TENM2: variants seen among roughly 807,000 people sequenced by gnomAD.
TENM2 encodes the protein teneurin-2.
In TENM2, 52 loss-of-function variants were observed where a neutral mutation model predicts 245.2. The ratio of observed to expected loss-of-function variants is 0.21; its 90% CI spans 0.17 to 0.27. The LOEUF (loss-of-function observed/expected upper bound fraction) is 0.27. TENM2 is among the 10% of genes least tolerant of loss of function. The probability of loss-of-function intolerance (pLI) is 1.00; values close to 1 mark genes in which losing one functional copy is unlikely to be tolerated. For synonymous variants in TENM2, 1,363 were observed against 1,438.9 expected, an observed-to-expected ratio of 0.95 and a Z score of 1.19; for missense variants, 3,046 against 3,666.8, an observed-to-expected ratio of 0.83 and a Z score of 4.37.
intron 2 of TENM2, among the ~76,000 whole-genome samples, chr5:167,637,504 T>C (rs1431916856): frequency 6.6e-6 from 1 of 152,210 alleles, no homozygotes; most frequent in African/African-American, 2.4e-5. Flanking sequence ...TATTCTGCTA[T>C]AAAGACACAT....
chr5:167,435,299 C>G (rs1226140502), intron 2 of TENM2, among the ~76,000 whole-genome samples: 3 of 152,146 alleles, frequency 2.0e-5, no homozygotes, highest in African/African-American at 4.8e-5. Flanking sequence ...GTAGGAGGAA[C>G]CTGGTGGGAT....
chr5:167,664,565 C>T (rs1016652118), intron 2 of TENM2, among the ~76,000 whole-genome samples: 4 of 152,196 alleles, frequency 2.6e-5, no homozygotes, highest in Non-Finnish European at 5.9e-5. Context: ...GAAATAGCAT[C>T]ACCTTCTTCT....
At chr5:167,683,652 C>T (rs1254666491) in intron 2 of TENM2, among the ~76,000 whole-genome samples, 2 of 152,024 alleles carry the variant, frequency 1.3e-5, no homozygotes, top group African/African-American at 4.8e-5. Context: ...TTTGTCAGAC[C>T]TGAAATTTAT....
intron 1 of TENM2, among the ~76,000 whole-genome samples, chr5:167,351,735 G>C (rs1439726087): frequency 6.6e-6 from 1 of 152,112 alleles, no homozygotes; most frequent in East Asian, 1.9e-4. Context: ...GTCCTAATTA[G>C]CTGTTTTCAA....
At chr5:167,664,507 G>A (rs934716537) in intron 2 of TENM2, among the ~76,000 whole-genome samples, 1 of 152,156 alleles carries the variant, frequency 6.6e-6, no homozygotes, top group African/African-American at 2.4e-5. Flanking sequence ...AGAGGGCCCA[G>A]ATCTTCTCAT....
rs1581497185 is a variant in TENM2 at position 168,162,495 on chromosome 5, A to G, written c.2423-116A>G. 107 of 1,122,274 alleles carry G rather than the reference A, an allele frequency of 9.5e-5. 1 individual carries two copies. The East Asian group carries it at 2.7e-3, about 28-fold the overall frequency. 69.5% of individuals were successfully genotyped at this position (1,122,274 alleles called of 1,614,324 possible). On this transcript the variant is annotated intron_variant, in intron 12 of 28. Coordinates refer to ENST00000518659, the Ensembl canonical transcript of TENM2. ...TCTGTGGAAGGCAGGCGCGGGCCCC[A>G]CTGTGAGGCTGGCCCAGCGGCTGCC... is the stretch of plus-strand genomic sequence containing the variant.
chr5:167,406,967 A>G (rs1357746909), intron 2 of TENM2, among the ~76,000 whole-genome samples: 1 of 152,158 alleles, frequency 6.6e-6, no homozygotes, highest in African/African-American at 2.4e-5. Context: ...AATTTAATAG[A>G]AAATAAGGTG....
intron 2 of TENM2, among the ~76,000 whole-genome samples, chr5:167,823,741 A>G (rs1265099747): frequency 1.3e-5 from 2 of 152,156 alleles, no homozygotes; most frequent in Non-Finnish European, 2.9e-5. Context: ...GGAGCAAGTC[A>G]CTTTTTTAAC....
chr5:167,702,552 G>GTGTATATATATATATATATATATATACA (rs58351767), intron 2 of TENM2, among the ~76,000 whole-genome samples: 1 of 136,782 alleles, frequency 7.3e-6, no homozygotes, highest in Non-Finnish European at 1.5e-5. Context: ...GTGTGTGTGT[G>GTGTATATATATATATATATATATATACA]TATATATATA....
the TENM2 span, among the ~76,000 whole-genome samples, chr5:167,110,445 A>G: frequency 6.6e-6 from 1 of 152,216 alleles, no homozygotes; most frequent in Non-Finnish European, 1.5e-5. Context: ...ATAGCAGTCA[A>G]TGAAGAACCA....
chr5:167,819,789 A>G (rs1354566446), intron 2 of TENM2, among the ~76,000 whole-genome samples: 2 of 152,186 alleles, frequency 1.3e-5, no homozygotes, highest in African/African-American at 4.8e-5. Flanking sequence ...ACTTGAGGAC[A>G]GAATCATTGC....
the TENM2 span, among the ~76,000 whole-genome samples, chr5:167,130,888 C>CTTTT: frequency 5.5e-4 from 40 of 73,316 alleles, no homozygotes; most frequent in African/African-American, 2.0e-3. Flanking sequence ...GTGTTAAATG[C>CTTTT]TTTTTTTTTT....
intron 2 of TENM2, among the ~76,000 whole-genome samples, chr5:167,713,451 C>G (rs1759042589): frequency 6.6e-6 from 1 of 151,868 alleles, no homozygotes. Context: ...GGGTACTGAT[C>G]TCATACATCA....
intron 2 of TENM2, among the ~76,000 whole-genome samples, chr5:167,634,375 A>T (rs1421323635): frequency 6.6e-6 from 1 of 152,124 alleles, no homozygotes; most frequent in Non-Finnish European, 1.5e-5. Context: ...CTCTATTTGT[A>T]GTTTTAGGGT....
At chr5:167,264,293 A>G in the TENM2 span, among the ~76,000 whole-genome samples, 2 of 152,232 alleles carry the variant, frequency 1.3e-5, no homozygotes, top group South Asian at 2.1e-4. Flanking sequence ...GCTAGTATGG[A>G]AGTTTTGAAC....
chr5:167,727,685 A>G (rs564966408), intron 2 of TENM2, among the ~76,000 whole-genome samples: 1 of 152,360 alleles, frequency 6.6e-6, no homozygotes, highest in Non-Finnish European at 1.5e-5. Context: ...GATACTTTAC[A>G]TGTATTTTAT....
chr5:167,157,101 T>C, the TENM2 span, among the ~76,000 whole-genome samples: 1 of 152,242 alleles, frequency 6.6e-6, no homozygotes, highest in Non-Finnish European at 1.5e-5. Flanking sequence ...ACACCATTGA[T>C]GCTGTGGTAA....
intron 2 of TENM2, among the ~76,000 whole-genome samples, chr5:167,463,876 C>G (rs1351074615): frequency 1.3e-5 from 2 of 152,102 alleles, no homozygotes; most frequent in African/African-American, 4.8e-5. Context: ...TGTTTCTTAA[C>G]TATTAGAAGG....
the TENM2 span, among the ~76,000 whole-genome samples, chr5:167,207,974 G>A: frequency 0.17 from 25,470 of 152,112 alleles, 2,278 homozygotes; most frequent in African/African-American, 0.2. Flanking sequence ...GGTTGATCTC[G>A]AGCTCCTGAC....
Sources: gnomAD v4.1 joint callset for allele counts (sites outside exome capture counted in the v4.1 genomes callset) on GRCh38, gnomAD v4.1.1 for gene constraint, MANE v1.5 for transcripts, NCBI Gene and HGNC (gene_info 2026-07-23, HGNC 2026-07-21) for gene names.